Variants in NDUFAF1 observed in about 807,000 individuals in gnomAD.
The protein encoded by NDUFAF1 is complex I intermediate-associated protein 30, mitochondrial.
In NDUFAF1, 18 loss-of-function variants were observed where a neutral mutation model predicts 28.7. The ratio of observed to expected loss-of-function variants is 0.63; its 90% CI spans 0.43 to 0.93. The LOEUF is 0.93. Ranked by LOEUF, NDUFAF1 falls within the 40% of genes least tolerant of loss-of-function variation. The pLI is 0.00. For synonymous variants in NDUFAF1, 113 were observed against 139.7 expected (o/e 0.81, Z 1.35); for missense variants, 404 against 398.3 (o/e 1.01, Z -0.12).
intron 2 of NDUFAF1, among the ~76,000 whole-genome samples, chr15:41,395,728 G>A (rs1248169222): frequency 7.3e-6 from 1 of 137,912 alleles, no homozygotes; most frequent in Non-Finnish European, 1.5e-5. Flanking sequence ...AGACTGGAGT[G>A]CAATGGCACG....
At chr15:41,402,716 C>G (rs1750630952), upstream of NDUFAF1, among the ~76,000 whole-genome samples, 1 of 151,164 alleles carries the variant, frequency 6.6e-6, no homozygotes, top group Non-Finnish European at 1.5e-5. Flanking sequence ...GCGGCAAACT[C>G]CATCCCTGCG....
Position 41,396,992 on chromosome 15 carries a change from G to C in NDUFAF1, c.68C>G (p.Ala23Gly). The C allele has an allele frequency of 6.2e-7, 1 of 1,612,638 alleles. No individual in the cohort carries two copies. The highest frequency in any genetic ancestry group is 2.2e-5 in the East Asian group (1 of 44,868). Residue 23 changes from alanine (A) to glycine (G), a missense_variant, in exon 2 of 5, where the codon GCC becomes GGC. Physicochemically the swap from Ala to Gly is moderately conservative, Grantham distance 60 (BLOSUM62 0). Transcript: ENST00000260361. ...GCGAATACCCAAAAATGGATACAAG[G>C]CAGAAGTTGGCTTAGAGAATTTTCT... Reference protein sequence around the residue: ...FLRKFSKPTSALYPFLGIRFA... With the variant: ...FLRKFSKPTSGLYPFLGIRFA...
intron 3 of NDUFAF1, among the ~76,000 whole-genome samples, chr15:41,389,498 T>A (rs1595630105): frequency 2.6e-5 from 4 of 152,216 alleles, no homozygotes; most frequent in Admixed American, 2.6e-4. Context: ...TGGCTGGGCC[T>A]GGTTGTGCAT....
Position 41,394,239 on chromosome 15 carries a change from G to A in NDUFAF1, c.759+620C>T, listed in dbSNP as rs1421016933. On this transcript the variant is annotated intron_variant, in intron 3 of 4. Transcript: ENST00000260361. ...AGAGACAACAGGGTTTCTCCATGTT[G>A]GTCAGGCTGGTGTCGAACTCCCAAC... is the stretch of plus-strand genomic sequence containing the variant. 3 of 542,294 alleles carry A rather than the reference G, an allele frequency of 5.5e-6. No homozygotes were observed. The Admixed American group carries it at 7.1e-5, about 13-fold the overall frequency. The allele number at this position is 542,294 out of a possible 1,614,324, so 33.6% of individuals were successfully genotyped here.
intron 1 of NDUFAF1, among the ~76,000 whole-genome samples, chr15:41,401,248 G>A (rs538013961): frequency 1.4e-5 from 2 of 147,410 alleles, no homozygotes; most frequent in African/African-American, 2.5e-5. Context: ...GATTACAGGC[G>A]TCAGCCACGG....
chr15:41,401,434 C>CTT (rs748339568), intron 1 of NDUFAF1, among the ~76,000 whole-genome samples: 18 of 138,426 alleles, frequency 1.3e-4, no homozygotes, highest in Non-Finnish European at 1.3e-4. Context: ...CCATGCCCAA[C>CTT]TTTTTTTTTT....
chr15:41,394,582 A>G (rs1339028904), intron 3 of NDUFAF1, among the ~76,000 whole-genome samples: 3 of 150,808 alleles, frequency 2.0e-5, no homozygotes, highest in Non-Finnish European at 3.0e-5. Flanking sequence ...AAGATTAGTA[A>G]CAAAAAAGAA....
At chr15:41,397,895 C>T (rs906628961) in intron 1 of NDUFAF1, among the ~76,000 whole-genome samples, 8 of 150,772 alleles carry the variant, frequency 5.3e-5, no homozygotes, top group Non-Finnish European at 1.0e-4. Flanking sequence ...TGTGGTGGTG[C>T]GCACTTGTGG....
chr15:41,394,330 G>T (rs904281406), intron 3 of NDUFAF1: 20 of 1,287,344 alleles, frequency 1.6e-5, no homozygotes, highest in Non-Finnish European at 2.0e-5. Context: ...CACCACGCAG[G>T]CCTAGGACAC....
chr15:41,394,405 C>T, intron 3 of NDUFAF1: 1 of 1,288,044 alleles, frequency 7.8e-7, no homozygotes, highest in African/African-American at 1.5e-5. Flanking sequence ...AAACAAACCC[C>T]ATCTATTTGG....
chr15:41,387,405 G>A lies in NDUFAF1; in HGVS notation c.*39C>T. ...TTTGTCTATATCATTGTAGATGCTA[G>A]TACCCTTAGATTAGTAAAACAAAAC... On this transcript the variant is annotated 3_prime_UTR_variant, in exon 5 of 5. Transcript: ENST00000260361. 1 of 1,578,146 alleles carries A rather than the reference G, an allele frequency of 6.3e-7. No homozygotes were observed. Among genetic ancestry groups the A allele is most frequent in the Non-Finnish European group, 8.7e-7 (1 of 1,148,556 alleles).
At chr15:41,391,624 AG>A (rs1273072350) in intron 3 of NDUFAF1, among the ~76,000 whole-genome samples, 1 of 151,560 alleles carries the variant, frequency 6.6e-6, no homozygotes, top group Non-Finnish European at 1.5e-5. Flanking sequence ...AAAAAAAAAA[AG>A]AATTTATATA....
chr15:41,402,596 GC>G (rs992147442), upstream of NDUFAF1: 2 of 223,930 alleles, frequency 8.9e-6, no homozygotes, highest in African/African-American at 4.4e-5. Flanking sequence ...GGACCCCGTA[GC>G]CCAGCCAACT....
At chr15:41,402,659 T>G, upstream of NDUFAF1, 1 of 179,410 alleles carries the variant, frequency 5.6e-6, no homozygotes, top group Non-Finnish European at 1.2e-5. Context: ...AAGGAAGCAG[T>G]GAGAATTCAG....
At chr15:41,397,801 GAAAAAA>G (rs570795672) in intron 1 of NDUFAF1, among the ~76,000 whole-genome samples, 6 of 101,394 alleles carry the variant, frequency 5.9e-5, no homozygotes, top group African/African-American at 2.3e-4. Context: ...TCTGTCTCGG[GAAAAAA>G]AAAAAAAAAA....
intron 2 of NDUFAF1, among the ~76,000 whole-genome samples, chr15:41,396,257 A>G (rs750102043): frequency 1.3e-5 from 2 of 152,156 alleles, no homozygotes; most frequent in Middle Eastern, 6.8e-3. Context: ...TCCTGGCCCA[A>G]AGCAATGCGC....
At chr15:41,391,961 G>A (rs2050321526) in intron 3 of NDUFAF1, among the ~76,000 whole-genome samples, 1 of 152,006 alleles carries the variant, frequency 6.6e-6, no homozygotes, top group Non-Finnish European at 1.5e-5. Context: ...GAGGAAGGAG[G>A]TAGGAGGAGA....
chr15:41,393,121 GTTTTTTT>G (rs763641971), intron 3 of NDUFAF1, among the ~76,000 whole-genome samples: 4 of 123,962 alleles, frequency 3.2e-5, no homozygotes, highest in East Asian at 2.3e-4. Context: ...TTCTTGTTGA[GTTTTTTT>G]TTTTTTTTTT....
intron 2 of NDUFAF1, 118 bp downstream of exon 2, chr15:41,396,369 C>A: frequency 1.0e-6 from 1 of 992,988 alleles, no homozygotes; most frequent in South Asian, 1.5e-5. Context: ...GGTGAGGTGC[C>A]AAATATAACA....
Sources: allele counts gnomAD v4.1 joint callset (sites outside exome capture counted in the v4.1 genomes callset), GRCh38; gene constraint gnomAD v4.1.1; transcripts MANE v1.5; gene names NCBI Gene and HGNC (gene_info 2026-07-23, HGNC 2026-07-21).